The following MYO16 variants were observed in gnomAD, a reference collection of about 807,000 sequenced individuals.
MYO16 encodes the protein myosin XVI.
In MYO16, 94 loss-of-function variants were observed where a neutral mutation model predicts 205.3. That is an observed-to-expected ratio of 0.46 (90% confidence interval 0.39 to 0.54). The LOEUF is 0.54. Ranked by LOEUF, MYO16 falls within the 20% of genes least tolerant of loss-of-function variation. The pLI is 0.00. For missense variants in MYO16, 2,315 were observed against 2,387.5 expected (o/e 0.97, Z 0.63); for synonymous variants, 988 against 954.0 (o/e 1.04, Z -0.66).
intron 27 of MYO16, among the ~76,000 whole-genome samples, chr13:109,097,095 C>T (rs1888801548): frequency 6.6e-6 from 1 of 152,148 alleles, no homozygotes; most frequent in East Asian, 1.9e-4. Flanking sequence ...TTTGGGAGGC[C>T]AAGGCGGGTG....
the MYO16 span, among the ~76,000 whole-genome samples, chr13:108,496,112 T>G: frequency 2.0e-5 from 3 of 151,574 alleles, no homozygotes; most frequent in African/African-American, 7.3e-5. Context: ...ACGGTGAGGG[T>G]TGGACGCGTC....
intron 21 of MYO16, among the ~76,000 whole-genome samples, chr13:109,007,501 G>A (rs891542006): frequency 7.9e-5 from 12 of 151,508 alleles, no homozygotes; most frequent in Non-Finnish European, 1.5e-4. Flanking sequence ...AAGAGGGAAT[G>A]GAAAGATAAG....
At chr13:109,046,288 C>T (rs1164167031) in intron 23 of MYO16, among the ~76,000 whole-genome samples, 1 of 152,182 alleles carries the variant, frequency 6.6e-6, no homozygotes, top group Non-Finnish European at 1.5e-5. Context: ...TGAGATTTCA[C>T]ACTTAGTTGA....
At chr13:109,023,609 TTATATATACAAA>T (rs1281083019) in intron 23 of MYO16, among the ~76,000 whole-genome samples, 1 of 124,198 alleles carries the variant, frequency 8.1e-6, no homozygotes, top group Admixed American at 9.3e-5. Context: ...ATGTACATAT[TTATATATACAAA>T]TATATAGACA....
At chr13:109,133,997 T>C (rs1254558571) in intron 31 of MYO16, among the ~76,000 whole-genome samples, 1 of 152,240 alleles carries the variant, frequency 6.6e-6, no homozygotes, top group Non-Finnish European at 1.5e-5. Flanking sequence ...CATCTGATGT[T>C]ACTGAACCCC....
intron 20 of MYO16, 89 bp downstream of exon 20, chr13:108,964,991 G>A: frequency 7.5e-7 from 1 of 1,334,700 alleles, no homozygotes; most frequent in African/African-American, 1.5e-5. Context: ...ATATTACAGG[G>A]TAACCAATAA....
chr13:109,048,149 G>A (rs1422628681), intron 24 of MYO16, among the ~76,000 whole-genome samples: 2 of 121,018 alleles, frequency 1.7e-5, no homozygotes, highest in Non-Finnish European at 3.3e-5. Context: ...CATGTTAATA[G>A]GATATGTGTG....
intron 4 of MYO16, among the ~76,000 whole-genome samples, chr13:108,729,268 A>C (rs1051396209): frequency 2.0e-5 from 3 of 152,182 alleles, no homozygotes; most frequent in African/African-American, 7.2e-5. Flanking sequence ...AAACTATAAA[A>C]TATATTACAG....
At chr13:108,543,498 C>T in the MYO16 span, among the ~76,000 whole-genome samples, 2 of 151,564 alleles carry the variant, frequency 1.3e-5, no homozygotes, top group Non-Finnish European at 2.9e-5. Context: ...AAAACTTAGC[C>T]GGGCGTGGTG....
At chr13:108,708,863 A>G (rs1883616038) in intron 2 of MYO16, among the ~76,000 whole-genome samples, 2 of 152,198 alleles carry the variant, frequency 1.3e-5, no homozygotes, top group African/African-American at 4.8e-5. Flanking sequence ...ATTGTTGGTG[A>G]TGGTGGGAAG....
chr13:109,102,508 GTAT>G (rs1889004313), intron 28 of MYO16, among the ~76,000 whole-genome samples: 1 of 55,576 alleles, frequency 1.8e-5, no homozygotes, highest in Non-Finnish European at 4.0e-5. Context: ...GTGTGTGTGT[GTAT>G]ATATATATAT....
At chr13:108,746,375 G>A (rs1885063465) in intron 4 of MYO16, among the ~76,000 whole-genome samples, 1 of 152,018 alleles carries the variant, frequency 6.6e-6, no homozygotes, top group African/African-American at 2.4e-5. Flanking sequence ...AATTTCAAAA[G>A]GTTTGACATG....
chr13:108,890,104 A>ATAT (rs1880093815), intron 14 of MYO16, among the ~76,000 whole-genome samples: 11 of 94,888 alleles, frequency 1.2e-4, no homozygotes, highest in African/African-American at 3.8e-4. Flanking sequence ...TAATTTTTGT[A>ATAT]TTTTTTTTTT....
At chr13:108,788,737 C>T (rs1489729675) in intron 5 of MYO16, among the ~76,000 whole-genome samples, 3 of 152,178 alleles carry the variant, frequency 2.0e-5, no homozygotes, top group Non-Finnish European at 4.4e-5. Context: ...ATTGCTATTA[C>T]CTTCCTTAGT....
At chr13:109,158,519 C>T (rs1047043863) in intron 32 of MYO16, among the ~76,000 whole-genome samples, 3 of 152,126 alleles carry the variant, frequency 2.0e-5, no homozygotes, top group Non-Finnish European at 4.4e-5. Flanking sequence ...TTGGACTTTT[C>T]CCATAAAACA....
the MYO16 span, among the ~76,000 whole-genome samples, chr13:108,500,323 G>T: frequency 5.2e-5 from 7 of 135,104 alleles, no homozygotes; most frequent in Admixed American, 5.2e-4. Context: ...TCTGCCTCCC[G>T]GGTTCAAGCG....
intron 23 of MYO16, among the ~76,000 whole-genome samples, chr13:109,023,628 GACAAA>G (rs1886210875): frequency 2.0e-5 from 2 of 102,416 alleles, no homozygotes; most frequent in Admixed American, 1.1e-4. Flanking sequence ...CAAATATATA[GACAAA>G]TATATATACA....
chr13:108,834,720 CAT>C (rs1356842717), intron 9 of MYO16, among the ~76,000 whole-genome samples: 7 of 151,164 alleles, frequency 4.6e-5, no homozygotes, highest in African/African-American at 1.5e-4. Flanking sequence ...TATTTTAAAA[CAT>C]AATCTGATAA....
intron 20 of MYO16, among the ~76,000 whole-genome samples, chr13:108,979,971 TG>T (rs1884397522): frequency 6.6e-6 from 1 of 152,174 alleles, no homozygotes; most frequent in South Asian, 2.1e-4. Context: ...ATATTAATCA[TG>T]ATATCTATGA....
Sources: allele counts gnomAD v4.1 joint callset (sites outside exome capture counted in the v4.1 genomes callset), GRCh38; gene constraint gnomAD v4.1.1; transcripts MANE v1.5; gene names NCBI Gene and HGNC (gene_info 2026-07-23, HGNC 2026-07-21).